The following PTP4A1 variants were observed in gnomAD, a reference collection of about 807,000 sequenced individuals.
The protein encoded by PTP4A1 is protein tyrosine phosphatase type IVA 1.
A neutral mutation model predicts 20.5 loss-of-function variants in PTP4A1; 9 were observed. The observed-to-expected ratio is 0.44, with a 90% CI of 0.26 to 0.77. The LOEUF (loss-of-function observed/expected upper bound fraction) is 0.77, where lower values mean the gene tolerates loss of function less well. PTP4A1 is among the 30% of genes least tolerant of loss of function. The pLI, the probability that PTP4A1 is intolerant of heterozygous loss-of-function variation, is 0.19. For missense variants in PTP4A1, 137 were observed against 218.8 expected, an observed-to-expected ratio of 0.63 and a Z score of 2.36; for synonymous variants, 78 against 67.4, an observed-to-expected ratio of 1.16 and a Z score of -0.77.
At chr6:63,538,461 ATTAGT>A (rs1775812289) in intron 2 of PTP4A1, among the ~76,000 whole-genome samples, 1 of 152,226 alleles carries the variant, frequency 6.6e-6, no homozygotes, top group African/African-American at 2.4e-5. Flanking sequence ...TAAAAATTAG[ATTAGT>A]TTAATTTGAA....
intron 1 of PTP4A1, among the ~76,000 whole-genome samples, chr6:63,526,527 A>G (rs1479822581): frequency 6.6e-6 from 1 of 151,940 alleles, no homozygotes; most frequent in African/African-American, 2.4e-5. Context: ...AAAGATTTTT[A>G]GGCCAGGCGC....
chr6:63,544,276 C>T lies in PTP4A1; in HGVS notation c.-639-6024C>T, dbSNP rs146066693. ...TTCCTGCCTATTTTCACTCAGATTC[C>T]CTGAATTTTAACATCTTGCCAACAT... On this transcript the variant is annotated intron_variant, in intron 2 of 3. Transcript: ENST00000639568. Among the ~76,000 whole-genome samples, 64 of 152,234 alleles carry T rather than the reference C, an allele frequency of 4.2e-4. 1 individual carries two copies. Among genetic ancestry groups the T allele is most frequent in the African/African-American group, 1.5e-3 (62 of 41,532 alleles).
intron 2 of PTP4A1, chr6:63,549,133 CT>C (rs2149488879): frequency 1.5e-6 from 1 of 687,732 alleles, no homozygotes; most frequent in Non-Finnish European, 2.6e-6. Flanking sequence ...GGGATGCCCC[CT>C]TTGCCAGCAG....
chr6:63,562,201 CT>C (rs60593360), intron 3 of PTP4A1, among the ~76,000 whole-genome samples: 207 of 137,262 alleles, frequency 1.5e-3, no homozygotes, highest in Middle Eastern at 3.7e-3. Flanking sequence ...TTTTCTTTTT[CT>C]TTTTTTTTTT....
chr6:63,527,497 A>C (rs1213576252), intron 1 of PTP4A1, among the ~76,000 whole-genome samples: 2 of 152,168 alleles, frequency 1.3e-5, no homozygotes, highest in African/African-American at 4.8e-5. Context: ...CAAAATGTAG[A>C]GGGTATAAAT....
chr6:63,574,743 A>G (rs536140934), intron 1 of PTP4A1, among the ~76,000 whole-genome samples: 1 of 152,216 alleles, frequency 6.6e-6, no homozygotes, highest in Non-Finnish European at 1.5e-5. Flanking sequence ...AAAGCTTTTA[A>G]AGATCATTGT....
intron 5 of PTP4A1, 89 bp downstream of exon 5, chr6:63,579,420 CATT>C (rs1778077476): frequency 7.8e-6 from 7 of 901,794 alleles, no homozygotes; most frequent in Non-Finnish European, 9.6e-6. Context: ...CCCATTTAAT[CATT>C]ATGATTATTT....
intron 1 of PTP4A1, among the ~76,000 whole-genome samples, chr6:63,573,013 T>C (rs941666887): frequency 1.3e-5 from 2 of 151,570 alleles, no homozygotes; most frequent in Admixed American, 1.3e-4. Flanking sequence ...GCGGTCCGGC[T>C]TCTGCGGCGG....
At chr6:63,543,718 C>G (rs547166351) in intron 2 of PTP4A1, among the ~76,000 whole-genome samples, 100 of 152,270 alleles carry the variant, frequency 6.6e-4, no homozygotes, top group African/African-American at 2.1e-3. Context: ...ACTGAAAGAC[C>G]TGGGGCAAAT....
intron 1 of PTP4A1, among the ~76,000 whole-genome samples, chr6:63,524,443 C>T (rs1430861681): frequency 6.6e-6 from 1 of 151,994 alleles, no homozygotes; most frequent in Non-Finnish European, 1.5e-5. Flanking sequence ...TCAATTTGGG[C>T]CTTTATTATA....
intron 2 of PTP4A1, among the ~76,000 whole-genome samples, chr6:63,543,717 C>A (rs35141718): frequency 0.069 from 10,555 of 152,200 alleles, 479 homozygotes; most frequent in Non-Finnish European, 0.11. Flanking sequence ...TACTGAAAGA[C>A]CTGGGGCAAA....
chr6:63,556,187 ATT>A (rs1776678776), intron 3 of PTP4A1, among the ~76,000 whole-genome samples: 1 of 152,094 alleles, frequency 6.6e-6, no homozygotes, highest in East Asian at 1.9e-4. Flanking sequence ...TGATTTATTT[ATT>A]TTGAGACAGG....
chr6:63,565,943 G>A (rs933564093), intron 3 of PTP4A1, among the ~76,000 whole-genome samples: 21 of 152,270 alleles, frequency 1.4e-4, no homozygotes, highest in Middle Eastern at 3.4e-3. Flanking sequence ...TTTAAGCATA[G>A]GCATACCTTG....
At chr6:63,560,940 T>A (rs1366707134) in intron 3 of PTP4A1, among the ~76,000 whole-genome samples, 2 of 152,182 alleles carry the variant, frequency 1.3e-5, no homozygotes, top group Admixed American at 6.5e-5. Flanking sequence ...AGTAAAGTAT[T>A]GCATAATCAT....
At chr6:63,554,082 A>G (rs1776565301) in intron 3 of PTP4A1, among the ~76,000 whole-genome samples, 1 of 152,200 alleles carries the variant, frequency 6.6e-6, no homozygotes, top group Non-Finnish European at 1.5e-5. Context: ...TTTAAATTTA[A>G]AAACATTCAG....
chr6:63,541,525 C>G (rs1268796236), intron 2 of PTP4A1, among the ~76,000 whole-genome samples: 6 of 152,166 alleles, frequency 3.9e-5, no homozygotes, highest in Admixed American at 3.9e-4. Context: ...TGCACTCCAG[C>G]CTGGGCGACC....
At chr6:63,551,346 A>G (rs1776432092) in intron 3 of PTP4A1, among the ~76,000 whole-genome samples, 1 of 152,210 alleles carries the variant, frequency 6.6e-6, no homozygotes, top group Non-Finnish European at 1.5e-5. Context: ...GATTACAGGC[A>G]TGAGCCACTG....
upstream of PTP4A1, among the ~76,000 whole-genome samples, chr6:63,569,791 C>T (rs1777343163): frequency 6.6e-6 from 1 of 151,998 alleles, no homozygotes; most frequent in African/African-American, 2.4e-5. Context: ...GTGTTTTCTC[C>T]CTTTTTGATG....
At position 63,556,617 on chromosome 6, in the gene PTP4A1, A is replaced by G. The variant is rs1205586700; in HGVS notation, c.-446+6124A>G. On this transcript the variant is annotated intron_variant, in intron 3 of 3. Transcript: ENST00000639568. ...TACCACAGGGGAAGTTAAGTCTAAA[A>G]TTCTCTGAGCAAAGGCTTTGCCAAA... 2.6e-5 allele frequency among the ~76,000 whole-genome samples: 4 copies of G among 152,188 alleles called. No individual in the cohort carries two copies. In the East Asian group the frequency reaches 7.7e-4, roughly 29 times the overall value.
Sources: gnomAD v4.1 joint callset for allele counts (sites outside exome capture counted in the v4.1 genomes callset) on GRCh38, gnomAD v4.1.1 for gene constraint, MANE v1.5 for transcripts, NCBI Gene and HGNC (gene_info 2026-07-23, HGNC 2026-07-21) for gene names.